Variants in CDC40 observed in about 807,000 individuals in gnomAD.
CDC40 encodes pre-mRNA-processing factor 17.
In CDC40, 27 loss-of-function variants were observed where a neutral mutation model predicts 80.6. The observed-to-expected ratio is 0.33, with a 90% CI of 0.25 to 0.46. The LOEUF (loss-of-function observed/expected upper bound fraction) is 0.46, where lower values mean the gene tolerates loss of function less well. Ranked by LOEUF, CDC40 falls within the 20% of genes least tolerant of loss-of-function variation. CDC40 has a pLI of 1.00. For synonymous variants in CDC40, 221 were observed against 232.6 expected (o/e 0.95, Z 0.45); for missense variants, 486 against 694.1 (o/e 0.70, Z 3.37).
chr6:110,181,811 G>A (rs1777200268), intron 1 of CDC40, among the ~76,000 whole-genome samples: 1 of 152,120 alleles, frequency 6.6e-6, no homozygotes, highest in African/African-American at 2.4e-5. Context: ...CAGTTGTCAA[G>A]TTCAGCCATC....
chr6:110,197,053 A>G lies in CDC40; in HGVS notation c.276+3785A>G, dbSNP rs149148293. 4.6e-5 allele frequency among the ~76,000 whole-genome samples: 7 copies of G among 152,292 alleles called. No individual in the cohort carries two copies. The East Asian group carries it at 1.2e-3, about 25-fold the overall frequency. ...GTCTTAATTCCTGCAATGTTATAATATGCTGCTAAAATGCTGACTCACCAA... is the reference window on the plus strand; with the variant it reads ...GTCTTAATTCCTGCAATGTTATAATGTGCTGCTAAAATGCTGACTCACCAA... On this transcript the variant is annotated intron_variant, in intron 2 of 14. Transcript: ENST00000307731.
Position 110,205,349 on chromosome 6 carries a change from A to C in CDC40, c.407-2157A>C, listed in dbSNP as rs559496530. ...AGAAATATTCACTTATTTGAGACAC[A>C]AGATAGTGAGAAAACAAATTGGACT... is the stretch of plus-strand genomic sequence containing the variant. On this transcript the variant is annotated intron_variant, in intron 3 of 14. Transcript: ENST00000307731. Among the ~76,000 whole-genome samples, 6 of 152,366 alleles carry C rather than the reference A, an allele frequency of 3.9e-5. No individual in the cohort carries two copies. In the South Asian group the frequency reaches 1.2e-3, roughly 32 times the overall value.
At chr6:110,187,638 TATA>T (rs1393211937) in intron 1 of CDC40, among the ~76,000 whole-genome samples, 1 of 152,326 alleles carries the variant, frequency 6.6e-6, no homozygotes, top group Non-Finnish European at 1.5e-5. Flanking sequence ...ATAAGTAACT[TATA>T]ATAATAATAT....
chr6:110,212,243 C>G lies in CDC40; in HGVS notation c.838C>G (p.Gln280Glu), dbSNP rs1212331564. ...PPEKCYLPKKQIHVWSGHTKG... is the reference protein window; with the variant it reads ...PPEKCYLPKKEIHVWSGHTKG... ...TGAGAAGTGTTATCTTCCCAAAAAA[C>G]AAATTCATGTGTGGTCTGGACACAC... Residue 280 changes from glutamine to glutamate, a missense_variant, in exon 7 of 15, where the codon CAA becomes GAA. Around this residue, in one of 3 missense-constraint regions of CDC40, gnomAD observed 381 missense variants for 492.1 expected, o/e 0.77. Coordinates refer to ENST00000307731, the MANE Select transcript of CDC40 (RefSeq NM_015891.3). The G allele has an allele frequency of 6.2e-7, 1 of 1,614,036 alleles. No individual in the cohort carries two copies. The highest frequency in any genetic ancestry group is 2.2e-5 in the East Asian group (1 of 44,862).
At chr6:110,220,006 T>C in intron 12 of CDC40, 137 bp downstream of exon 12, 1 of 778,952 alleles carries the variant, frequency 1.3e-6, no homozygotes, top group Non-Finnish European at 2.0e-6. Context: ...AATCAAACTG[T>C]TTTAACTATT....
intron 9 of CDC40, 51 bp downstream of exon 9, chr6:110,215,382 A>C: frequency 1.4e-6 from 2 of 1,381,090 alleles, no homozygotes; most frequent in African/African-American, 1.4e-5. Flanking sequence ...TTTTAAAGTA[A>C]GATAACATCA....
rs552964117 is a variant in CDC40 at position 110,212,490 on chromosome 6, A to G, written c.867+218A>G. On this transcript the variant is annotated intron_variant, in intron 7 of 14. Transcript: ENST00000307731. ...CTGAATTGGCCATGACATAGCATTC[A>G]TGATTTAGTGTCCTGTATCCTTGTA... 2.0e-5 allele frequency among the ~76,000 whole-genome samples: 3 copies of G among 152,330 alleles called. No individual in the cohort carries two copies. In the South Asian group the frequency reaches 6.2e-4, roughly 32 times the overall value.
At chr6:110,187,954 T>A (rs1322479357) in intron 1 of CDC40, among the ~76,000 whole-genome samples, 1 of 152,214 alleles carries the variant, frequency 6.6e-6, no homozygotes, top group Non-Finnish European at 1.5e-5. Flanking sequence ...GGTTGTGGTA[T>A]TGTCCAAGTT....
At chr6:110,197,617 T>G (rs1290408999) in intron 2 of CDC40, among the ~76,000 whole-genome samples, 1 of 18,184 alleles carries the variant, frequency 5.5e-5, no homozygotes, top group African/African-American at 2.3e-4. Context: ...ACCCAGCTCC[T>G]GCTAACCATT....
At position 110,231,932 on chromosome 6, in the gene CDC40, A is replaced by T. The variant is rs1234573607; in HGVS notation, c.*1801A>T. 3 of 146,160 alleles carry T rather than the reference A, an allele frequency of 2.1e-5. No homozygotes were observed. Among genetic ancestry groups the T allele is most frequent in the Admixed American group, 6.9e-5 (1 of 14,402 alleles). The allele number at this position is 146,160 out of a possible 1,614,324, so 9.1% of individuals were successfully genotyped here. Reference sequence around the variant, plus strand: ...ATTGCCTAGCTGCTGCCATTTCTGTAACTGCCCAGAAGGGTGACAGATTTC... The same window carrying T: ...ATTGCCTAGCTGCTGCCATTTCTGTTACTGCCCAGAAGGGTGACAGATTTC... On this transcript the variant is annotated 3_prime_UTR_variant, in exon 15 of 15. Coordinates refer to ENST00000307731, the MANE Select transcript of CDC40 (RefSeq NM_015891.3).
At chr6:110,188,689 T>C (rs368549148) in intron 1 of CDC40, among the ~76,000 whole-genome samples, 37 of 152,154 alleles carry the variant, frequency 2.4e-4, no homozygotes, top group African/African-American at 8.2e-4. Context: ...CTTTCTAATC[T>C]GAAATTTATC....
chr6:110,227,429 AC>A (rs1452219220), intron 13 of CDC40, among the ~76,000 whole-genome samples: 1 of 152,126 alleles, frequency 6.6e-6, no homozygotes, highest in Non-Finnish European at 1.5e-5. Flanking sequence ...ACCTAACTGA[AC>A]CTTTTTTTGA....
chr6:110,205,643 G>GT (rs1190624724), intron 3 of CDC40, among the ~76,000 whole-genome samples: 1 of 152,088 alleles, frequency 6.6e-6, no homozygotes, highest in East Asian at 1.9e-4. Context: ...CAGAGACAAG[G>GT]ACCAGGGATA....
intron 1 of CDC40, among the ~76,000 whole-genome samples, chr6:110,187,469 AAAT>A (rs1225119694): frequency 6.6e-6 from 1 of 152,180 alleles, no homozygotes. Flanking sequence ...TGTGAGCTTC[AAAT>A]GGACGACCTT....
At chr6:110,186,082 T>C (rs978627030) in intron 1 of CDC40, among the ~76,000 whole-genome samples, 13 of 152,228 alleles carry the variant, frequency 8.5e-5, no homozygotes, top group South Asian at 8.3e-4. Flanking sequence ...TGTTGTTGTC[T>C]GGTATAATAC....
At chr6:110,214,471 A>G (rs901786636) in intron 8 of CDC40, among the ~76,000 whole-genome samples, 1 of 152,254 alleles carries the variant, frequency 6.6e-6, no homozygotes, top group African/African-American at 2.4e-5. Flanking sequence ...AAACAGGAGT[A>G]GAGTATGCTT....
At position 110,231,696 on chromosome 6, in the gene CDC40, G is replaced by A. The variant is rs1211688000; in HGVS notation, c.*1565G>A. 6.6e-6 allele frequency: 1 copy of A among 151,938 alleles called. No homozygotes were observed. Among genetic ancestry groups the A allele is most frequent in the Non-Finnish European group, 1.5e-5 (1 of 67,988 alleles). The allele number at this position is 151,938 out of a possible 1,614,324, so 9.4% of individuals were successfully genotyped here. A position where few individuals can be genotyped will look rare whatever the true frequency, so the allele number is the denominator to read the frequency against. On this transcript the variant is annotated 3_prime_UTR_variant, in exon 15 of 15. Coordinates refer to ENST00000307731, the MANE Select transcript of CDC40 (RefSeq NM_015891.3). ...GAAGATCAAAATCATGTCTCTTGCT[G>A]ATAACCTAAGAGCATTAAGCTCTGA...
chr6:110,220,917 T>G (rs545656215), intron 12 of CDC40, among the ~76,000 whole-genome samples: 103 of 152,148 alleles, frequency 6.8e-4, no homozygotes, highest in African/African-American at 2.5e-3. Flanking sequence ...CCACAATACA[T>G]GGGAATTATG....
intron 2 of CDC40, among the ~76,000 whole-genome samples, chr6:110,196,201 A>ATT (rs1211120334): frequency 1.3e-5 from 2 of 152,194 alleles, no homozygotes; most frequent in East Asian, 3.9e-4. Flanking sequence ...ATCACTCTTA[A>ATT]TTATCTCCCT....
Sources: gnomAD v4.1 joint callset for allele counts (sites outside exome capture counted in the v4.1 genomes callset) on GRCh38, gnomAD v4.1.1 for gene constraint, gnomAD v4.1.1 regional missense constraint, MANE v1.5 for transcripts, NCBI Gene and HGNC (gene_info 2026-07-23, HGNC 2026-07-21) for gene names.